FNDC3B: variants seen among roughly 807,000 people sequenced by gnomAD.
FNDC3B encodes the protein fibronectin type III domain-containing protein 3B.
In FNDC3B, 12 loss-of-function variants were observed where a neutral mutation model predicts 151.5. The observed-to-expected ratio is 0.08, with a 90% confidence interval of 0.05 to 0.13. FNDC3B has a LOEUF of 0.13. FNDC3B is among the 10% of genes least tolerant of loss of function. The pLI, the probability that FNDC3B is intolerant of heterozygous loss-of-function variation, is 1.00. For synonymous variants in FNDC3B, 528 were observed against 549.0 expected (o/e 0.96, Z 0.54); for missense variants, 1,214 against 1,505.3 (o/e 0.81, Z 3.20).
chr3:172,050,362 T>C (rs746224338), intron 1 of FNDC3B, among the ~76,000 whole-genome samples: 2 of 151,918 alleles, frequency 1.3e-5, no homozygotes, highest in Non-Finnish European at 2.9e-5. Flanking sequence ...TAGTAATGTG[T>C]ACATGTACTC....
intron 1 of FNDC3B, among the ~76,000 whole-genome samples, chr3:172,107,021 A>T (rs559927902): frequency 1.3e-4 from 20 of 152,272 alleles, no homozygotes; most frequent in African/African-American, 4.8e-4. Context: ...TCCTGCCCCA[A>T]ACCCTGCGTT....
At chr3:172,144,856 C>T (rs749510515) in intron 3 of FNDC3B, among the ~76,000 whole-genome samples, 17 of 152,042 alleles carry the variant, frequency 1.1e-4, no homozygotes, top group Non-Finnish European at 2.1e-4. Flanking sequence ...TTTACTACTT[C>T]TTTTTTGGAT....
intron 1 of FNDC3B, among the ~76,000 whole-genome samples, chr3:172,087,351 AGGTTT>A (rs1262047678): frequency 1.3e-5 from 2 of 152,142 alleles, no homozygotes; most frequent in Non-Finnish European, 2.9e-5. Flanking sequence ...ACTACTTGCC[AGGTTT>A]GGGACTTCTC....
At position 172,151,830 on chromosome 3, in the gene FNDC3B, G is replaced by A. The variant is rs577844720; in HGVS notation, c.187+18284G>A. Among the ~76,000 whole-genome samples, 8 of 152,312 alleles carry A rather than the reference G, an allele frequency of 5.3e-5. No individual in the cohort carries two copies. In the East Asian group the frequency reaches 1.5e-3, roughly 29 times the overall value. ...GATGTGGATTTGTTACAGCATTGAT[G>A]AGGGGAAAAACGGTTATGCGTTATT... On this transcript the variant is annotated intron_variant, in intron 3 of 25. Coordinates refer to ENST00000415807, the MANE Select transcript of FNDC3B (RefSeq NM_022763.4).
rs1373022126 is a variant in FNDC3B, at chr3:172,134,498, C to T, written c.187+952C>T. 8.9e-6 allele frequency: 4 copies of T among 448,538 alleles called. No homozygotes were observed. The East Asian group carries it at 2.7e-4, about 30-fold the overall frequency. The allele number at this position is 448,538 out of a possible 1,614,324, so 27.8% of individuals were successfully genotyped here. ...CTAATCTGAGGCTTTACTATTAATA[C>T]CTGAACTTGCTTACCAATATACAAA... On this transcript the variant is annotated intron_variant, in intron 3 of 25. Coordinates refer to ENST00000415807, the MANE Select transcript of FNDC3B (RefSeq NM_022763.4).
intron 6 of FNDC3B, among the ~76,000 whole-genome samples, chr3:172,273,392 C>T (rs967795443): frequency 3.3e-5 from 5 of 152,188 alleles, no homozygotes; most frequent in African/African-American, 9.7e-5. Context: ...AAGCCACCTT[C>T]TTCATTGGCT....
chr3:172,076,453 A>G (rs1343906343), intron 1 of FNDC3B, among the ~76,000 whole-genome samples: 1 of 152,200 alleles, frequency 6.6e-6, no homozygotes, highest in Non-Finnish European at 1.5e-5. Context: ...GCTCAGTTGC[A>G]CGTGATCTTT....
At chr3:172,135,863 G>A (rs1047656546) in intron 3 of FNDC3B, among the ~76,000 whole-genome samples, 1 of 152,156 alleles carries the variant, frequency 6.6e-6, no homozygotes, top group Non-Finnish European at 1.5e-5. Context: ...TTCCAGTTGG[G>A]TAGAATATAG....
intron 2 of FNDC3B, among the ~76,000 whole-genome samples, chr3:172,112,864 A>G (rs1720044795): frequency 6.6e-6 from 1 of 152,174 alleles, no homozygotes; most frequent in South Asian, 2.1e-4. Context: ...TTCGAAATAA[A>G]ATGACTGTTT....
intron 7 of FNDC3B, among the ~76,000 whole-genome samples, 185 bp from the exon 8 acceptor site, chr3:172,295,178 C>A (rs1730541140): frequency 6.6e-6 from 1 of 152,178 alleles, no homozygotes; most frequent in South Asian, 2.1e-4. Flanking sequence ...ATTATAAGGA[C>A]AGATGTTGCA....
intron 6 of FNDC3B, among the ~76,000 whole-genome samples, chr3:172,265,629 A>G (rs1728889586): frequency 6.6e-6 from 1 of 152,164 alleles, no homozygotes; most frequent in African/African-American, 2.4e-5. Context: ...ATGTTATTAT[A>G]CTTTATTTAG....
intron 1 of FNDC3B, among the ~76,000 whole-genome samples, chr3:172,103,663 G>C (rs1389199000): frequency 6.6e-6 from 1 of 152,014 alleles, no homozygotes; most frequent in African/African-American, 2.4e-5. Context: ...CTGAAGTGGT[G>C]GTGTTTTTAA....
chr3:172,113,584 C>A (rs1720091639), intron 2 of FNDC3B, among the ~76,000 whole-genome samples: 1 of 152,182 alleles, frequency 6.6e-6, no homozygotes, highest in Non-Finnish European at 1.5e-5. Flanking sequence ...TAGTTGAATG[C>A]ATTTCATGTC....
At chr3:172,052,000 G>A (rs1381507174) in intron 1 of FNDC3B, among the ~76,000 whole-genome samples, 1 of 151,916 alleles carries the variant, frequency 6.6e-6, no homozygotes, top group African/African-American at 2.4e-5. Flanking sequence ...TAAGTTAAGG[G>A]AATTATTTTT....
chr3:172,165,460 C>G (rs1722961780), intron 3 of FNDC3B, among the ~76,000 whole-genome samples: 1 of 152,172 alleles, frequency 6.6e-6, no homozygotes, highest in African/African-American at 2.4e-5. Flanking sequence ...CTAAATGGGA[C>G]TGCTGAATAG....
At chr3:172,041,277 A>G (rs1012251595) in intron 1 of FNDC3B, among the ~76,000 whole-genome samples, 4 of 152,168 alleles carry the variant, frequency 2.6e-5, no homozygotes, top group African/African-American at 9.7e-5. Flanking sequence ...TTAATGTGCA[A>G]CTAATTTGAT....
At chr3:172,389,902 A>G (rs1247286849) in intron 25 of FNDC3B, among the ~76,000 whole-genome samples, 2 of 152,184 alleles carry the variant, frequency 1.3e-5, no homozygotes, top group Non-Finnish European at 2.9e-5. Flanking sequence ...AAAATATACT[A>G]GAAACTACAT....
intron 3 of FNDC3B, among the ~76,000 whole-genome samples, chr3:172,203,476 C>T (rs1276608059): frequency 6.6e-6 from 1 of 152,198 alleles, no homozygotes; most frequent in African/African-American, 2.4e-5. Flanking sequence ...GCCAGTTTTT[C>T]TATCTTTCTG....
chr3:172,176,490 T>A (rs1181506102), intron 3 of FNDC3B, among the ~76,000 whole-genome samples: 1 of 152,192 alleles, frequency 6.6e-6, no homozygotes, highest in Non-Finnish European at 1.5e-5. Flanking sequence ...ATAAAAATAA[T>A]CTCTGAATTG....
Sources: gnomAD v4.1 joint callset for allele counts (sites outside exome capture counted in the v4.1 genomes callset) on GRCh38, gnomAD v4.1.1 for gene constraint, MANE v1.5 for transcripts, NCBI Gene and HGNC (gene_info 2026-07-23, HGNC 2026-07-21) for gene names.